Variants in MAF observed in about 807,000 individuals in gnomAD.
The protein encoded by MAF is transcription factor Maf.
A neutral mutation model predicts 22.0 loss-of-function variants in MAF; 10 were observed. The observed-to-expected ratio is 0.45, with a 90% CI of 0.28 to 0.77. The LOEUF (loss-of-function observed/expected upper bound fraction) is 0.77. MAF is among the 30% of genes least tolerant of loss of function. The pLI, the probability that MAF is intolerant of heterozygous loss-of-function variation, is 0.12. For missense variants in MAF, 544 were observed against 548.4 expected, an observed-to-expected ratio of 0.99 and a Z score of 0.08; for synonymous variants, 337 against 255.8, an observed-to-expected ratio of 1.32 and a Z score of -3.03.
chr16:79,283,026 C>T, the MAF span, among the ~76,000 whole-genome samples: 1 of 152,150 alleles, frequency 6.6e-6, no homozygotes, highest in Non-Finnish European at 1.5e-5. Flanking sequence ...CCTGCACCTG[C>T]CAAGGGTCTA....
chr16:79,533,590 C>T, the MAF span, among the ~76,000 whole-genome samples: 4 of 152,084 alleles, frequency 2.6e-5, no homozygotes, highest in Non-Finnish European at 4.4e-5. Flanking sequence ...TTCAGATCCC[C>T]TCATTGTCCA....
At chr16:79,268,134 C>T in the MAF span, among the ~76,000 whole-genome samples, 2 of 152,142 alleles carry the variant, frequency 1.3e-5, no homozygotes, top group South Asian at 2.1e-4. Flanking sequence ...CCCAGAGTGG[C>T]CTCGTTGCTT....
chr16:79,237,617 A>T, the MAF span, among the ~76,000 whole-genome samples: 19 of 152,136 alleles, frequency 1.2e-4, no homozygotes, highest in African/African-American at 3.6e-4. Flanking sequence ...ATCTCAGAGG[A>T]CACTCAGGGG....
At chr16:79,568,055 C>T in the MAF span, among the ~76,000 whole-genome samples, 18 of 152,158 alleles carry the variant, frequency 1.2e-4, no homozygotes, top group African/African-American at 3.9e-4. Flanking sequence ...TTAATCACCT[C>T]GGAAAGCAAA....
the MAF span, among the ~76,000 whole-genome samples, chr16:79,227,855 A>T: frequency 1.3e-5 from 2 of 152,138 alleles, no homozygotes; most frequent in Non-Finnish European, 2.9e-5. Flanking sequence ...AGTGGAGAGA[A>T]ATCCTGGGTG....
At chr16:79,248,627 C>T in the MAF span, among the ~76,000 whole-genome samples, 2 of 152,160 alleles carry the variant, frequency 1.3e-5, no homozygotes, top group Admixed American at 6.5e-5. Flanking sequence ...CTTTTCATCT[C>T]ATTTTCACTT....
At chr16:79,353,821 G>C in the MAF span, among the ~76,000 whole-genome samples, 15 of 152,216 alleles carry the variant, frequency 9.9e-5, no homozygotes, top group South Asian at 2.3e-3. Context: ...AGATCTCAAA[G>C]TCTTATTTAG....
chr16:79,590,406 T>C (rs978379480), downstream of MAF, among the ~76,000 whole-genome samples: 2 of 152,234 alleles, frequency 1.3e-5, no homozygotes, highest in Non-Finnish European at 2.9e-5. Flanking sequence ...GCTGTCTGTG[T>C]CTACACTTAA....
chr16:79,465,571 G>T, the MAF span, among the ~76,000 whole-genome samples: 1 of 152,134 alleles, frequency 6.6e-6, no homozygotes, highest in African/African-American at 2.4e-5. Flanking sequence ...CCACACTCCA[G>T]CCCGGGTGAC....
At chr16:79,411,435 G>C in the MAF span, among the ~76,000 whole-genome samples, 1 of 152,178 alleles carries the variant, frequency 6.6e-6, no homozygotes, top group African/African-American at 2.4e-5. Context: ...ACCAACCTCA[G>C]TGTCATTCAA....
downstream of MAF, among the ~76,000 whole-genome samples, chr16:79,582,562 G>C (rs527239303): frequency 5.7e-4 from 87 of 152,298 alleles, no homozygotes; most frequent in Middle Eastern, 0.01. Flanking sequence ...TCAGTAGTGG[G>C]CCAGTGCCCA....
chr16:79,442,443 C>G, the MAF span, among the ~76,000 whole-genome samples: 327 of 152,288 alleles, frequency 2.1e-3, 1 homozygote, highest in African/African-American at 7.3e-3. Flanking sequence ...CCAGTTGTGG[C>G]TCACTGCAGC....
At chr16:79,554,344 T>C in the MAF span, among the ~76,000 whole-genome samples, 1 of 152,178 alleles carries the variant, frequency 6.6e-6, no homozygotes, top group Non-Finnish European at 1.5e-5. Context: ...TGCTGGTCTC[T>C]AGAGTCTTTC....
At chr16:79,302,726 G>A in the MAF span, among the ~76,000 whole-genome samples, 1 of 152,240 alleles carries the variant, frequency 6.6e-6, no homozygotes. Context: ...AGAATTGATT[G>A]ATTTTGAAGT....
chr16:79,492,634 T>A, the MAF span, among the ~76,000 whole-genome samples: 3 of 151,970 alleles, frequency 2.0e-5, no homozygotes, highest in South Asian at 6.2e-4. Flanking sequence ...ACAATGTCCA[T>A]CAATCATGAA....
chr16:79,310,074 A>C, the MAF span, among the ~76,000 whole-genome samples: 10 of 152,156 alleles, frequency 6.6e-5, no homozygotes, highest in Non-Finnish European at 1.3e-4. Context: ...AACTCCCAGC[A>C]CTGAGAATTA....
the MAF span, among the ~76,000 whole-genome samples, chr16:79,301,173 C>T: frequency 1.2e-4 from 19 of 152,096 alleles, no homozygotes; most frequent in Non-Finnish European, 1.9e-4. Context: ...AGAAGTGGCC[C>T]GCAGGTGTCA....
At chr16:79,330,586 G>A in the MAF span, among the ~76,000 whole-genome samples, 4 of 152,226 alleles carry the variant, frequency 2.6e-5, no homozygotes, top group African/African-American at 9.6e-5. Context: ...AGGAACACCA[G>A]TGGGGAAAGA....
chr16:79,265,365 G>C, the MAF span, among the ~76,000 whole-genome samples: 3 of 152,126 alleles, frequency 2.0e-5, no homozygotes, highest in Non-Finnish European at 4.4e-5. Flanking sequence ...CTCCCCAATA[G>C]TTGGTTGTGG....
Sources: allele counts gnomAD v4.1 joint callset (sites outside exome capture counted in the v4.1 genomes callset), GRCh38; gene constraint gnomAD v4.1.1; transcripts MANE v1.5; gene names NCBI Gene and HGNC (gene_info 2026-07-23, HGNC 2026-07-21).